Variants in SHANK2 observed in about 807,000 individuals in gnomAD.
SHANK2 encodes the protein SH3 and multiple ankyrin repeat domains protein 2.
SHANK2 carries 43 observed loss-of-function variants against 133.7 expected under a neutral mutation model. The observed-to-expected ratio is 0.32, with a 90% confidence interval of 0.25 to 0.41. SHANK2 has a LOEUF of 0.41. Among genes scored for constraint, SHANK2 ranks in the 10% least tolerant of loss-of-function variants. The probability of loss-of-function intolerance (pLI) is 1.00; values close to 1 mark genes in which losing one functional copy is unlikely to be tolerated. For missense variants in SHANK2, 1,994 were observed against 2,235.8 expected (o/e 0.89, Z 2.18); for synonymous variants, 1,017 against 952.8 (o/e 1.07, Z -1.24).
At chr11:70,735,885 T>C (rs1946394092) in intron 14 of SHANK2, among the ~76,000 whole-genome samples, 1 of 151,756 alleles carries the variant, frequency 6.6e-6, no homozygotes, top group African/African-American at 2.4e-5. Context: ...GGTCATGCTC[T>C]CCAAACCCTA....
chr11:71,208,846 C>T (rs1215717500), intron 2 of SHANK2, among the ~76,000 whole-genome samples: 1 of 152,180 alleles, frequency 6.6e-6, no homozygotes, highest in East Asian at 1.9e-4. Flanking sequence ...CACACACACT[C>T]TCTGACTTAG....
chr11:70,791,773 G>A (rs1947790863), intron 14 of SHANK2, among the ~76,000 whole-genome samples: 1 of 152,192 alleles, frequency 6.6e-6, no homozygotes, highest in South Asian at 2.1e-4. Context: ...TCAAGCATCA[G>A]TAGTTACAAA....
intron 11 of SHANK2, among the ~76,000 whole-genome samples, chr11:70,890,376 C>T (rs1418957594): frequency 1.3e-5 from 2 of 151,774 alleles, no homozygotes; most frequent in Non-Finnish European, 2.9e-5. Flanking sequence ...CCCAGTAGCT[C>T]ATGCCTGTAA....
At chr11:70,692,517 G>A (rs1411995683) in intron 15 of SHANK2, among the ~76,000 whole-genome samples, 2 of 152,154 alleles carry the variant, frequency 1.3e-5, no homozygotes, top group African/African-American at 2.4e-5. Flanking sequence ...ACTTAGGACC[G>A]GTGATTTCTC....
intron 1 of SHANK2, among the ~76,000 whole-genome samples, chr11:71,233,306 G>C (rs192700745): frequency 6.6e-6 from 1 of 152,184 alleles, no homozygotes; most frequent in Non-Finnish European, 1.5e-5. Flanking sequence ...ATAAAGGCCT[G>C]ACCCAGGCTA....
At chr11:70,478,678 A>G (rs2058695757) in intron 25 of SHANK2, among the ~76,000 whole-genome samples, 3 of 152,184 alleles carry the variant, frequency 2.0e-5, no homozygotes, top group Non-Finnish European at 1.5e-5. Context: ...AGCAGCTGCC[A>G]GGCCTCCGCC....
At chr11:70,949,000 C>T (rs1282779217) in intron 10 of SHANK2, among the ~76,000 whole-genome samples, 1 of 152,192 alleles carries the variant, frequency 6.6e-6, no homozygotes, top group Non-Finnish European at 1.5e-5. Context: ...CAAACGAGAG[C>T]TGGGCCCCGG....
chr11:70,754,419 C>A (rs1946820429), intron 14 of SHANK2, among the ~76,000 whole-genome samples: 1 of 152,180 alleles, frequency 6.6e-6, no homozygotes, highest in Admixed American at 6.5e-5. Flanking sequence ...AGCAAGTGTG[C>A]TTTATCCTGG....
intron 3 of SHANK2, among the ~76,000 whole-genome samples, chr11:71,122,000 GTGC>G (rs1328880392): frequency 1.3e-5 from 2 of 152,126 alleles, no homozygotes; most frequent in African/African-American, 4.8e-5. Flanking sequence ...GAAACAACAG[GTGC>G]TGGAGAGGAT....
At chr11:71,199,704 C>A (rs1555116762) in intron 2 of SHANK2, among the ~76,000 whole-genome samples, 1 of 152,180 alleles carries the variant, frequency 6.6e-6, no homozygotes, top group African/African-American at 2.4e-5. Context: ...TCGTCAGGAA[C>A]CGTGGAAGGA....
intron 10 of SHANK2, among the ~76,000 whole-genome samples, chr11:70,953,913 G>A (rs1950879669): frequency 6.6e-6 from 1 of 152,156 alleles, no homozygotes; most frequent in Admixed American, 6.5e-5. Context: ...CAGGGAGCTG[G>A]GCCAGCTCCC....
At position 70,541,980 on chromosome 11, in the gene SHANK2, G is replaced by A. The variant is rs538724944; in HGVS notation, c.2062-39049C>T. Among the ~76,000 whole-genome samples, 5 of 152,354 alleles carry A rather than the reference G, an allele frequency of 3.3e-5. No homozygotes were observed. In the East Asian group the frequency reaches 9.6e-4, roughly 29 times the overall value. On this transcript the variant is annotated intron_variant, in intron 17 of 25. Transcript: ENST00000601538. ...AAGCTTCTGCACACCCCGTGACAGT[G>A]GCTAGAGGGGGTTTACTGCCCAGGA...
At chr11:71,118,544 G>A (rs188239521) in intron 4 of SHANK2, among the ~76,000 whole-genome samples, 12 of 151,854 alleles carry the variant, frequency 7.9e-5, no homozygotes, top group Admixed American at 7.9e-4. Flanking sequence ...ACTATCATGA[G>A]AACAGCATGG....
In SHANK2 at chr11:70,784,180, C is replaced by CT. The variant is rs1160381914; in HGVS notation, c.1777+14262dup. On this transcript the variant is annotated intron_variant, in intron 14 of 25. Coordinates refer to ENST00000601538, the MANE Select transcript of SHANK2 (RefSeq NM_012309.5). Reference sequence around the variant, plus strand: ...TCGGGAGAATACACAGAAACCCCTGCTTTTTTTTTTTTTTGAGACAGAGTC... The same window carrying CT: ...TCGGGAGAATACACAGAAACCCCTGCTTTTTTTTTTTTTTTGAGACAGAGTC... 9.1e-3 allele frequency among the ~76,000 whole-genome samples: 1,295 copies of CT among 141,978 alleles called. 9 individuals carry two copies. The highest frequency in any genetic ancestry group is 0.028 in the African/African-American group (1,093 of 39,018). 93.1% of individuals were successfully genotyped at this position (141,978 alleles called of 152,430 possible).
In SHANK2 at chr11:70,807,047, G is replaced by C; in HGVS notation, c.1618C>G (p.Gln540Glu). Residue 540 changes from glutamine to glutamate, a missense_variant, in exon 13 of 26, where the codon CAA (glutamine) becomes GAA (glutamate). By Grantham distance (29) the Gln-to-Glu change is conservative. Coordinates refer to ENST00000601538, the MANE Select transcript of SHANK2 (RefSeq NM_012309.5). This position sits in a 1 kb window ranked among gnomAD's most constrained non-coding sequence, Gnocchi z 4.8. ...TGAAGGGGGATCTCGCCGTCCACTT[G>C]GGGTTGGTATGGCTTGACAGCGACG... ...LFVAVKPYQP[Q>E]VDGEIPLHRG... 1.4e-6 allele frequency: 1 copy of C among 718,118 alleles called. No homozygotes were observed. The highest frequency in any genetic ancestry group is 2.7e-5 in the East Asian group (1 of 37,252). 44.5% of individuals were successfully genotyped at this position (718,118 alleles called of 1,614,324 possible). A position where few individuals can be genotyped will look rare whatever the true frequency, so the allele number is the denominator to read the frequency against.
chr11:70,804,089 C>T lies in SHANK2; in HGVS notation c.1663+2913G>A, dbSNP rs1011400631. Among the ~76,000 whole-genome samples, 6 of 152,116 alleles carry T rather than the reference C, an allele frequency of 3.9e-5. No individual in the cohort carries two copies. Among genetic ancestry groups the T allele is most frequent in the East Asian group, 1.9e-4 (1 of 5,158 alleles). On this transcript the variant is annotated intron_variant, in intron 13 of 25. Coordinates refer to ENST00000601538, the MANE Select transcript of SHANK2 (RefSeq NM_012309.5). The surrounding 1 kb of genome is among the most constrained non-coding windows in gnomAD (Gnocchi z 4.1). ...ACCCTGCCTGCCTGCTGCCCAGACC[C>T]GACTTCCACTGCAAAAAATGAGTTT...
In SHANK2 at chr11:70,486,179, C is replaced by A. The variant is rs782434642; in HGVS notation, c.4114G>T (p.Gly1372Cys). Residue 1372 changes from glycine to cysteine, a missense_variant, in exon 25 of 26, where the codon GGC becomes TGC. Gly to Cys is a radical substitution (Grantham distance 159). Transcript: ENST00000601538. This position sits in a 1 kb window ranked among gnomAD's most constrained non-coding sequence, Gnocchi z 8.0. Reference sequence around the variant, plus strand: ...GAGCCCACCGCGACGATGGTTCTGCCGGGCACGGTGGTGGGCTCGGGGGCA... The same window carrying A: ...GAGCCCACCGCGACGATGGTTCTGCAGGGCACGGTGGTGGGCTCGGGGGCA... ...SAAPEPTTVP[G>C]RTIVAVGSME... 6.2e-7 allele frequency: 1 copy of A among 1,613,186 alleles called. No individual in the cohort carries two copies. Among genetic ancestry groups the A allele is most frequent in the South Asian group, 1.1e-5 (1 of 91,060 alleles).
At chr11:71,129,147 T>C (rs1259169195) in intron 3 of SHANK2, among the ~76,000 whole-genome samples, 1 of 152,218 alleles carries the variant, frequency 6.6e-6, no homozygotes, top group Admixed American at 6.5e-5. Flanking sequence ...TTGAACAGCA[T>C]TGGATCAACA....
chr11:70,824,907 T>A (rs1194945910), intron 11 of SHANK2, among the ~76,000 whole-genome samples: 2 of 152,158 alleles, frequency 1.3e-5, no homozygotes, highest in Admixed American at 1.3e-4. Context: ...GTTGGAAGAC[T>A]GTATTGGTGT....
Sources: allele counts gnomAD v4.1 joint callset (sites outside exome capture counted in the v4.1 genomes callset), GRCh38; gene constraint gnomAD v4.1.1; non-coding constraint Gnocchi (gnomAD v3.1); transcripts MANE v1.5; gene names NCBI Gene and HGNC (gene_info 2026-07-23, HGNC 2026-07-21).